MANBAL: variants seen among roughly 807,000 people sequenced by gnomAD.
The protein encoded by MANBAL is protein MANBAL.
MANBAL carries 1 observed loss-of-function variant against 6.4 expected under a neutral mutation model. The observed-to-expected ratio is 0.16, with a 90% CI of 0.06 to 0.74. The LOEUF (loss-of-function observed/expected upper bound fraction) is 0.74. Ranked by LOEUF, MANBAL falls within the 30% of genes least tolerant of loss-of-function variation. MANBAL has a pLI of 0.78. For missense variants in MANBAL, 100 were observed against 107.8 expected, an observed-to-expected ratio of 0.93 and a Z score of 0.32; for synonymous variants, 47 against 45.8, an observed-to-expected ratio of 1.03 and a Z score of -0.10.
At chr20:37,301,735 C>T (rs1051572208) in intron 2 of MANBAL, among the ~76,000 whole-genome samples, 11 of 152,202 alleles carry the variant, frequency 7.2e-5, no homozygotes, top group Non-Finnish European at 2.9e-5. Context: ...ATGAGAAGTA[C>T]AGAGTCCAGT....
chr20:37,313,135 T>C (rs979916767), intron 2 of MANBAL, among the ~76,000 whole-genome samples: 2 of 132,174 alleles, frequency 1.5e-5, no homozygotes, highest in Non-Finnish European at 3.3e-5. Context: ...TCCCAGCACT[T>C]TGGGAGGCCG....
At chr20:37,295,995 C>T (rs1273121519) in intron 1 of MANBAL, among the ~76,000 whole-genome samples, 2 of 152,214 alleles carry the variant, frequency 1.3e-5, no homozygotes, top group Non-Finnish European at 1.5e-5. Flanking sequence ...AGCCGTACGG[C>T]GCACAGTGTG....
chr20:37,306,412 G>A (rs886775146), intron 2 of MANBAL, among the ~76,000 whole-genome samples: 1 of 152,176 alleles, frequency 6.6e-6, no homozygotes, highest in Non-Finnish European at 1.5e-5. Flanking sequence ...GAGGAAAAGA[G>A]GGAACACATA....
At chr20:37,306,323 G>A (rs1288510551) in intron 2 of MANBAL, among the ~76,000 whole-genome samples, 1 of 152,146 alleles carries the variant, frequency 6.6e-6, no homozygotes, top group Non-Finnish European at 1.5e-5. Flanking sequence ...CTAGTAAGCC[G>A]ATTTTTTGCA....
intron 2 of MANBAL, among the ~76,000 whole-genome samples, chr20:37,309,012 A>G (rs904296353): frequency 4.6e-5 from 7 of 152,162 alleles, no homozygotes; most frequent in African/African-American, 1.7e-4. Flanking sequence ...ACCGTCTCAT[A>G]TTAGTGGGGA....
chr20:37,297,343 C>G (rs1256653645), intron 1 of MANBAL: 2 of 152,118 alleles, frequency 1.3e-5, no homozygotes, highest in South Asian at 2.1e-4. Context: ...TGGGCTCTTT[C>G]CAGAAGTCAA....
intron 2 of MANBAL, among the ~76,000 whole-genome samples, chr20:37,311,846 C>T (rs946412555): frequency 4.9e-4 from 74 of 152,260 alleles, no homozygotes; most frequent in African/African-American, 1.8e-3. Flanking sequence ...CTCTGACGAG[C>T]ATGGGGAGGT....
chr20:37,293,133 T>C (rs1408384897), intron 1 of MANBAL, among the ~76,000 whole-genome samples: 2 of 152,246 alleles, frequency 1.3e-5, no homozygotes, highest in East Asian at 1.9e-4. Flanking sequence ...GAAGACAATT[T>C]TTCCACAGAC....
chr20:37,314,846 A>G (rs1431157864), intron 2 of MANBAL, among the ~76,000 whole-genome samples: 1 of 152,178 alleles, frequency 6.6e-6, no homozygotes, highest in East Asian at 1.9e-4. Context: ...CCTTCCCTGC[A>G]TGGGCCCTCC....
chr20:37,297,721 C>T (rs1568599169), intron 1 of MANBAL, among the ~76,000 whole-genome samples: 2 of 151,906 alleles, frequency 1.3e-5, no homozygotes, highest in South Asian at 4.1e-4. Flanking sequence ...CGGCCCACTG[C>T]AACCTCCGTC....
At chr20:37,291,225 C>T (rs540427227) in intron 1 of MANBAL, among the ~76,000 whole-genome samples, 6 of 152,240 alleles carry the variant, frequency 3.9e-5, no homozygotes, top group East Asian at 1.9e-4. Context: ...ACAAAGTTAT[C>T]GCAAAGATAC....
chr20:37,308,874 C>T (rs1466832884), intron 2 of MANBAL, among the ~76,000 whole-genome samples: 1 of 152,186 alleles, frequency 6.6e-6, no homozygotes, highest in Non-Finnish European at 1.5e-5. Context: ...CAGAAACTCT[C>T]CTAGTTTCAG....
chr20:37,296,986 A>G (rs1242151835), intron 1 of MANBAL: 1 of 152,216 alleles, frequency 6.6e-6, no homozygotes, highest in African/African-American at 2.4e-5. Context: ...TAGTAACACT[A>G]GTAAATCTGA....
At chr20:37,314,166 G>GA (rs1436618502) in intron 2 of MANBAL, among the ~76,000 whole-genome samples, 1 of 152,224 alleles carries the variant, frequency 6.6e-6, no homozygotes, top group Non-Finnish European at 1.5e-5. Context: ...TCAAGAGGTA[G>GA]AGGGGGTCAT....
chr20:37,308,643 C>T (rs1288269910), intron 2 of MANBAL, among the ~76,000 whole-genome samples: 2 of 152,100 alleles, frequency 1.3e-5, no homozygotes, highest in African/African-American at 4.8e-5. Flanking sequence ...CATAGCCTCT[C>T]TACATGGAGT....
At chr20:37,299,372 A>G (rs781526404) in intron 1 of MANBAL, among the ~76,000 whole-genome samples, 55 of 152,332 alleles carry the variant, frequency 3.6e-4, no homozygotes, top group African/African-American at 8.7e-4. Flanking sequence ...AGCCACTGCA[A>G]TCGTTTCAGC....
intron 2 of MANBAL, among the ~76,000 whole-genome samples, chr20:37,309,108 G>A (rs568248620): frequency 6.6e-6 from 1 of 152,180 alleles, no homozygotes; most frequent in African/African-American, 2.4e-5. Context: ...AATTTCAAAG[G>A]ACAGCTGGAT....
chr20:37,302,470 G>A (rs987133261), intron 2 of MANBAL: 9 of 1,006,374 alleles, frequency 8.9e-6, no homozygotes, highest in East Asian at 2.7e-5. Flanking sequence ...ATAAAAATCC[G>A]GTCAGTCTTT....
intron 2 of MANBAL, among the ~76,000 whole-genome samples, chr20:37,307,068 C>A (rs938508561): frequency 6.6e-6 from 1 of 152,210 alleles, no homozygotes; most frequent in Non-Finnish European, 1.5e-5. Flanking sequence ...TCAAGTGATC[C>A]TCCCGTCCTC....
Sources: allele counts gnomAD v4.1 joint callset (sites outside exome capture counted in the v4.1 genomes callset), GRCh38; gene constraint gnomAD v4.1.1; transcripts MANE v1.5; gene names NCBI Gene and HGNC (gene_info 2026-07-23, HGNC 2026-07-21).